Variants in GALNTL6 observed in about 807,000 individuals in gnomAD.
GALNTL6 encodes polypeptide N-acetylgalactosaminyltransferase like 6.
A neutral mutation model predicts 73.7 loss-of-function variants in GALNTL6; 46 were observed. The observed-to-expected ratio is 0.62, with a 90% confidence interval of 0.49 to 0.80. The LOEUF is 0.80. Ranked by LOEUF, GALNTL6 falls within the 30% of genes least tolerant of loss-of-function variation. The pLI is 0.00. For missense variants in GALNTL6, 604 were observed against 755.0 expected, an observed-to-expected ratio of 0.80 and a Z score of 2.34; for synonymous variants, 259 against 263.7, an observed-to-expected ratio of 0.98 and a Z score of 0.17.
rs546789942 is a variant in GALNTL6 at position 172,459,627 on chromosome 4, A to G, written c.553+110938A>G. 2.0e-5 allele frequency among the ~76,000 whole-genome samples: 3 copies of G among 152,336 alleles called. No individual in the cohort carries two copies. In the East Asian group the frequency reaches 5.8e-4, roughly 29 times the overall value. ...TCCCATTCACAATTGCTACAAAGAG[A>G]ATAAAATACCTAGGAATACAACTTA... On this transcript the variant is annotated intron_variant, in intron 5 of 12. Coordinates refer to ENST00000506823, the MANE Select transcript of GALNTL6 (RefSeq NM_001034845.3).
chr4:172,028,538 T>C (rs767482347), intron 2 of GALNTL6, among the ~76,000 whole-genome samples: 2 of 152,078 alleles, frequency 1.3e-5, no homozygotes, highest in African/African-American at 2.4e-5. Context: ...TAGATTGAGA[T>C]AGTAAGATAA....
intron 4 of GALNTL6, among the ~76,000 whole-genome samples, chr4:172,324,353 C>G (rs1396272314): frequency 6.6e-6 from 1 of 151,632 alleles, no homozygotes; most frequent in Non-Finnish European, 1.5e-5. Flanking sequence ...TATTTATTTT[C>G]TGATATTACT....
At chr4:172,137,395 T>C (rs1449494373) in intron 2 of GALNTL6, among the ~76,000 whole-genome samples, 5 of 152,202 alleles carry the variant, frequency 3.3e-5, no homozygotes, top group Non-Finnish European at 7.3e-5. Context: ...TGTATATAAA[T>C]TTAATCTCAC....
intron 5 of GALNTL6, among the ~76,000 whole-genome samples, chr4:172,475,176 C>T (rs189844020): frequency 5.8e-4 from 89 of 152,248 alleles, no homozygotes; most frequent in African/African-American, 1.8e-3. Context: ...TACAAAATTG[C>T]TTATTTTGTC....
chr4:172,262,964 C>T (rs1303518753), intron 3 of GALNTL6, among the ~76,000 whole-genome samples: 4 of 151,388 alleles, frequency 2.6e-5, no homozygotes, highest in Non-Finnish European at 4.4e-5. Flanking sequence ...CCTTCTGGCT[C>T]GTAAGATTTC....
intron 2 of GALNTL6, among the ~76,000 whole-genome samples, chr4:171,971,938 G>A (rs547450228): frequency 4.2e-4 from 64 of 151,982 alleles, no homozygotes; most frequent in African/African-American, 1.3e-3. Context: ...TACCTAGGAC[G>A]GCCTCACCCA....
intron 2 of GALNTL6, among the ~76,000 whole-genome samples, chr4:171,849,734 G>T (rs921925197): frequency 6.6e-6 from 1 of 151,938 alleles, no homozygotes; most frequent in Non-Finnish European, 1.5e-5. Context: ...ATTTTTTCTC[G>T]TAAAGGAAGA....
intron 2 of GALNTL6, among the ~76,000 whole-genome samples, chr4:171,895,342 G>A (rs1399711071): frequency 6.6e-6 from 1 of 152,140 alleles, no homozygotes; most frequent in African/African-American, 2.4e-5. Context: ...CTCTGGTCTG[G>A]GAAATCAAAA....
intron 2 of GALNTL6, among the ~76,000 whole-genome samples, chr4:172,182,762 T>G (rs1180672874): frequency 6.6e-6 from 1 of 151,996 alleles, no homozygotes; most frequent in Admixed American, 6.6e-5. Flanking sequence ...TAAAAAAATT[T>G]ATTATGACAA....
intron 2 of GALNTL6, among the ~76,000 whole-genome samples, chr4:172,069,472 TATGTTATATATAACAC>T (rs1731449893): frequency 2.2e-5 from 1 of 44,526 alleles, no homozygotes; most frequent in African/African-American, 5.4e-5. Context: ...ATATAACATA[TATGTTATATATAACAC>T]ATATGTTATA....
intron 2 of GALNTL6, among the ~76,000 whole-genome samples, chr4:171,961,579 A>G (rs1030431666): frequency 1.3e-5 from 2 of 152,238 alleles, no homozygotes; most frequent in African/African-American, 4.8e-5. Flanking sequence ...AATCAGTCTT[A>G]TGATTTGTTT....
At chr4:172,974,405 TAAATA>T (rs1457838700) in intron 10 of GALNTL6, among the ~76,000 whole-genome samples, 2 of 152,166 alleles carry the variant, frequency 1.3e-5, no homozygotes, top group Non-Finnish European at 2.9e-5. Context: ...TTCTCACCAA[TAAATA>T]AAATAACTTT....
At chr4:172,749,781 C>T (rs1425801203) in intron 5 of GALNTL6, among the ~76,000 whole-genome samples, 1 of 151,568 alleles carries the variant, frequency 6.6e-6, no homozygotes, top group African/African-American at 2.4e-5. Flanking sequence ...TTCAATCTTT[C>T]CTTCCAGGAA....
At chr4:172,366,817 G>A (rs532021548) in intron 5 of GALNTL6, among the ~76,000 whole-genome samples, 1 of 152,252 alleles carries the variant, frequency 6.6e-6, no homozygotes, top group Admixed American at 6.5e-5. Flanking sequence ...CTATTTCCTT[G>A]TCCAAAAAGA....
At chr4:172,745,658 G>A (rs1048444035) in intron 5 of GALNTL6, among the ~76,000 whole-genome samples, 4 of 151,918 alleles carry the variant, frequency 2.6e-5, no homozygotes, top group African/African-American at 9.7e-5. Context: ...GGTCACAATG[G>A]GAAGAATGGG....
intron 5 of GALNTL6, among the ~76,000 whole-genome samples, chr4:172,440,061 A>C (rs753615998): frequency 2.0e-5 from 3 of 152,056 alleles, no homozygotes; most frequent in Non-Finnish European, 4.4e-5. Context: ...AGGAGTGCAA[A>C]TGGTACAGCC....
intron 2 of GALNTL6, among the ~76,000 whole-genome samples, chr4:171,976,247 A>C (rs1361553178): frequency 1.3e-5 from 2 of 152,194 alleles, no homozygotes; most frequent in Admixed American, 6.5e-5. Context: ...CTTAACAGAC[A>C]CTATAGAATG....
chr4:172,198,206 A>C (rs1462382732), intron 2 of GALNTL6, among the ~76,000 whole-genome samples: 1 of 152,172 alleles, frequency 6.6e-6, no homozygotes, highest in Non-Finnish European at 1.5e-5. Context: ...TTTTGTCATG[A>C]AAATGTCAAA....
At chr4:172,845,987 T>A (rs1050106789) in intron 7 of GALNTL6, among the ~76,000 whole-genome samples, 14 of 152,214 alleles carry the variant, frequency 9.2e-5, no homozygotes, top group Non-Finnish European at 1.9e-4. Context: ...TATACACAAA[T>A]AACGTTTATA....
Sources: allele counts gnomAD v4.1 joint callset (sites outside exome capture counted in the v4.1 genomes callset), GRCh38; gene constraint gnomAD v4.1.1; transcripts MANE v1.5; gene names NCBI Gene and HGNC (gene_info 2026-07-23, HGNC 2026-07-21).